The following PDE4D variants were observed in gnomAD, a reference collection of about 807,000 sequenced individuals.
PDE4D encodes the protein phosphodiesterase 4D.
In PDE4D, 24 loss-of-function variants were observed where a neutral mutation model predicts 87.4. The observed-to-expected ratio is 0.27, with a 90% CI of 0.20 to 0.39. The LOEUF (loss-of-function observed/expected upper bound fraction) is 0.39, where lower values mean the gene tolerates loss of function less well. PDE4D is among the 10% of genes least tolerant of loss of function. The probability of loss-of-function intolerance (pLI) is 1.00; values close to 1 mark genes in which losing one functional copy is unlikely to be tolerated. For synonymous variants in PDE4D, 384 were observed against 383.2 expected (o/e 1.00, Z -0.02); for missense variants, 714 against 1,041.0 (o/e 0.69, Z 4.32).
chr5:59,053,657 T>A (rs1047443573), intron 5 of PDE4D, among the ~76,000 whole-genome samples: 1 of 77,174 alleles, frequency 1.3e-5, no homozygotes, highest in Non-Finnish European at 3.0e-5. Context: ...TTTTTTTTGT[T>A]GTTGTTTTTT....
intron 1 of PDE4D, among the ~76,000 whole-genome samples, chr5:60,498,262 C>A (rs1017675015): frequency 3.9e-5 from 6 of 151,934 alleles, no homozygotes; most frequent in African/African-American, 1.5e-4. Context: ...TTAGAGATGT[C>A]TTTGCTCAGA....
chr5:59,181,543 G>GATATATATATATAT (rs3061466), intron 4 of PDE4D, among the ~76,000 whole-genome samples: 1,574 of 118,492 alleles, frequency 0.013, 27 homozygotes, highest in African/African-American at 0.02. Flanking sequence ...AAAGATGTCT[G>GATATATATATATAT]ATATATATAT....
At chr5:59,234,501 C>T (rs1304320163) in intron 1 of PDE4D, among the ~76,000 whole-genome samples, 2 of 152,108 alleles carry the variant, frequency 1.3e-5, no homozygotes, top group East Asian at 3.9e-4. Flanking sequence ...ACAGAATCCT[C>T]AGATTTAGTG....
intron 1 of PDE4D, among the ~76,000 whole-genome samples, chr5:59,866,830 G>A (rs532694048): frequency 5.9e-5 from 9 of 152,122 alleles, no homozygotes; most frequent in Non-Finnish European, 1.2e-4. Context: ...CTAATCAAGT[G>A]TCTCTTCAAC....
At chr5:60,374,412 A>G (rs926221887) in intron 1 of PDE4D, among the ~76,000 whole-genome samples, 4 of 152,218 alleles carry the variant, frequency 2.6e-5, no homozygotes, top group Non-Finnish European at 5.9e-5. Flanking sequence ...CTTTAAAAAG[A>G]AGAAATACTG....
At chr5:59,032,312 C>T (rs1169920306) in intron 6 of PDE4D, among the ~76,000 whole-genome samples, 2 of 151,928 alleles carry the variant, frequency 1.3e-5, no homozygotes, top group East Asian at 1.9e-4. Context: ...TATGAATGTA[C>T]ACAGAAATGA....
intron 3 of PDE4D, among the ~76,000 whole-genome samples, chr5:59,955,271 A>G (rs1439637984): frequency 6.6e-6 from 1 of 152,210 alleles, no homozygotes; most frequent in Non-Finnish European, 1.5e-5. Flanking sequence ...ACTATGTATA[A>G]TACTAGTTGA....
chr5:59,308,968 G>A (rs1351891841), intron 1 of PDE4D, among the ~76,000 whole-genome samples: 1 of 152,076 alleles, frequency 6.6e-6, no homozygotes, highest in Non-Finnish European at 1.5e-5. Flanking sequence ...CTGGAGTTGT[G>A]CACCTAGGAG....
intron 1 of PDE4D, among the ~76,000 whole-genome samples, chr5:59,683,972 C>A (rs143626233): frequency 6.6e-6 from 1 of 152,178 alleles, no homozygotes; most frequent in Non-Finnish European, 1.5e-5. Context: ...TATAATCTGG[C>A]TTTAGGCCAA....
chr5:59,135,234 A>G (rs1212375958), intron 5 of PDE4D, among the ~76,000 whole-genome samples: 1 of 152,060 alleles, frequency 6.6e-6, no homozygotes, highest in Admixed American at 6.6e-5. Flanking sequence ...AGGCACATTT[A>G]TTTCTGTTGC....
At chr5:60,227,605 G>C (rs1358556537) in intron 1 of PDE4D, among the ~76,000 whole-genome samples, 3 of 141,932 alleles carry the variant, frequency 2.1e-5, no homozygotes, top group African/African-American at 7.8e-5. Flanking sequence ...GAGAGAGGGA[G>C]GGAGGGAGGA....
rs558244073 is a variant in PDE4D at position 59,519,194 on chromosome 5, T to C, written c.456-303226A>G. ...AGCACCTATTATGTGACAGGTACCA[T>C]TCTAGGCACAGAGGATACAACAGTG... On this transcript the variant is annotated intron_variant, in intron 1 of 14. Transcript: ENST00000340635. 3.3e-5 allele frequency among the ~76,000 whole-genome samples: 5 copies of C among 152,308 alleles called. No homozygotes were observed. The East Asian group carries it at 5.8e-4, about 18-fold the overall frequency.
At chr5:59,680,008 G>A (rs570760259) in intron 1 of PDE4D, among the ~76,000 whole-genome samples, 6 of 152,014 alleles carry the variant, frequency 3.9e-5, no homozygotes, top group Non-Finnish European at 8.8e-5. Flanking sequence ...CTCCAAGTAC[G>A]AAATACACTT....
At chr5:59,376,675 A>G (rs1044639594) in intron 1 of PDE4D, among the ~76,000 whole-genome samples, 10 of 152,190 alleles carry the variant, frequency 6.6e-5, no homozygotes, top group Non-Finnish European at 1.2e-4. Flanking sequence ...ACAGAACTAG[A>G]AAAAACTATT....
chr5:59,294,030 C>A (rs1329646105), intron 1 of PDE4D, among the ~76,000 whole-genome samples: 3 of 152,212 alleles, frequency 2.0e-5, no homozygotes, highest in African/African-American at 7.2e-5. Flanking sequence ...CAACCTGTTG[C>A]TGGGCATGAC....
At chr5:60,297,925 G>A (rs1753553341) in intron 1 of PDE4D, among the ~76,000 whole-genome samples, 1 of 152,190 alleles carries the variant, frequency 6.6e-6, no homozygotes, top group Admixed American at 6.5e-5. Context: ...GTTTATGGAT[G>A]TGATTAACAA....
intron 1 of PDE4D, among the ~76,000 whole-genome samples, chr5:59,512,612 C>T (rs77849657): frequency 0.012 from 1,773 of 152,120 alleles, 34 homozygotes; most frequent in African/African-American, 0.04. Context: ...AACCAAAATT[C>T]TGGATATACA....
intron 1 of PDE4D, among the ~76,000 whole-genome samples, chr5:60,341,504 T>G (rs961071928): frequency 1.3e-5 from 2 of 152,132 alleles, no homozygotes; most frequent in African/African-American, 2.4e-5. Flanking sequence ...AGAGCTATGG[T>G]CACCACTCCC....
chr5:60,007,277 C>A (rs983763727), intron 2 of PDE4D, among the ~76,000 whole-genome samples: 4 of 151,934 alleles, frequency 2.6e-5, no homozygotes, highest in Non-Finnish European at 5.9e-5. Context: ...GATAGAATAA[C>A]AAATCATGCC....
Sources: gnomAD v4.1 joint callset for allele counts (sites outside exome capture counted in the v4.1 genomes callset) on GRCh38, gnomAD v4.1.1 for gene constraint, MANE v1.5 for transcripts, NCBI Gene and HGNC (gene_info 2026-07-23, HGNC 2026-07-21) for gene names.